Variants in ASCC3 observed in about 807,000 individuals in gnomAD.
The protein encoded by ASCC3 is ASC-1 complex subunit P200.
A neutral mutation model predicts 256.3 loss-of-function variants in ASCC3; 158 were observed. That is an observed-to-expected ratio of 0.62 (90% CI 0.54 to 0.70). The LOEUF is 0.70. Among genes scored for constraint, ASCC3 ranks in the 30% least tolerant of loss-of-function variants. The probability of loss-of-function intolerance (pLI) is 0.00; values close to 1 mark genes in which losing one functional copy is unlikely to be tolerated. For missense variants in ASCC3, 2,259 were observed against 2,626.0 expected, an observed-to-expected ratio of 0.86 and a Z score of 3.05; for synonymous variants, 948 against 883.4, an observed-to-expected ratio of 1.07 and a Z score of -1.30.
chr6:100,651,523 G>A (rs1219123498), intron 19 of ASCC3, 37 bp downstream of exon 19: 1 of 1,213,576 alleles, frequency 8.2e-7, no homozygotes, highest in South Asian at 1.3e-5. Context: ...ATGCATACAT[G>A]TTGTATGCAT....
At chr6:100,556,452 T>C (rs573873909) in intron 36 of ASCC3, among the ~76,000 whole-genome samples, 15 of 152,268 alleles carry the variant, frequency 9.9e-5, no homozygotes, top group African/African-American at 3.4e-4. Flanking sequence ...TCAGATACAT[T>C]GTCCAGGTGG....
chr6:100,639,016 C>G (rs1774984082), intron 24 of ASCC3, among the ~76,000 whole-genome samples, 195 bp from the exon 25 acceptor site: 1 of 152,260 alleles, frequency 6.6e-6, no homozygotes. Flanking sequence ...ACCATATTGA[C>G]ATACTGGATG....
At chr6:100,793,562 T>TA in intron 8 of ASCC3, among the ~76,000 whole-genome samples, 1 of 151,754 alleles carries the variant, frequency 6.6e-6, no homozygotes, top group African/African-American at 2.4e-5. Context: ...CCATTTTTTT[T>TA]AATTTACAGA....
chr6:100,833,208 G>A (rs1399183790), intron 4 of ASCC3, among the ~76,000 whole-genome samples: 2 of 151,932 alleles, frequency 1.3e-5, no homozygotes, highest in Non-Finnish European at 2.9e-5. Context: ...AATCTGAAAA[G>A]GCAACATACT....
At chr6:100,518,336 T>G (rs183405692) in intron 37 of ASCC3, among the ~76,000 whole-genome samples, 194 bp from the exon 38 acceptor site, 1 of 152,188 alleles carries the variant, frequency 6.6e-6, no homozygotes, top group Non-Finnish European at 1.5e-5. Context: ...TAGCATTTAC[T>G]GTACATTACT....
chr6:100,878,690 T>C (rs1769122570), intron 1 of ASCC3, among the ~76,000 whole-genome samples: 2 of 152,186 alleles, frequency 1.3e-5, no homozygotes, highest in Admixed American at 1.3e-4. Flanking sequence ...CCCTAATCCA[T>C]GAGCCTCTGG....
chr6:100,608,813 G>A, intron 30 of ASCC3, among the ~76,000 whole-genome samples: 1 of 117,728 alleles, frequency 8.5e-6, no homozygotes, highest in Non-Finnish European at 1.7e-5. Flanking sequence ...GCCCAGGTTG[G>A]AGTGCAGTGG....
intron 10 of ASCC3, among the ~76,000 whole-genome samples, chr6:100,730,122 C>T (rs4840144): frequency 0.97 from 147,711 of 151,714 alleles, 72,037 homozygotes; most frequent in East Asian, 1. Flanking sequence ...CTGTGCAGTA[C>T]GGTGAGACCT....
chr6:100,852,493 CCCTT>C (rs1772732077), intron 3 of ASCC3, among the ~76,000 whole-genome samples: 1 of 152,134 alleles, frequency 6.6e-6, no homozygotes, highest in Non-Finnish European at 1.5e-5. Context: ...TTGTTCACTT[CCCTT>C]TATATTCTAT....
chr6:100,765,865 A>C lies in ASCC3; in HGVS notation c.1737+700T>G, dbSNP rs78945318. ...AATCAACGTCTGCCCATTGTTTAAA[A>C]AGTTCTATTATCTATTTTCCATCAA... On this transcript the variant is annotated intron_variant, in intron 10 of 41. Coordinates refer to ENST00000369162, the MANE Select transcript of ASCC3 (RefSeq NM_006828.4). Among the ~76,000 whole-genome samples the C allele has an allele frequency of 0.013, 1,951 of 152,350 alleles. 101 individuals are homozygous for C. In the East Asian group the frequency reaches 0.15, roughly 12 times the overall value.
At position 100,646,688 on chromosome 6, in the gene ASCC3, G is replaced by A. The variant is rs1178263214; in HGVS notation, c.3560C>T (p.Ser1187Phe). The change falls in exon 22 of 42, where the codon TCC (serine) becomes TTC (phenylalanine). Residue 1187 changes from serine (S) to phenylalanine (F), a missense_variant. By Grantham distance (155) the Ser-to-Phe change is radical. Coordinates refer to ENST00000369162, the MANE Select transcript of ASCC3 (RefSeq NM_006828.4). ...GACAGTCCTTGTGATAGGCTGAATG[G>A]ATGCTTCCATCATAACAGAAGGAAT... ...HQIPSVMMEA[S>F]IQPITRTVLR... 6.2e-7 allele frequency: 1 copy of A among 1,613,366 alleles called. No homozygotes were observed. Among genetic ancestry groups the A allele is most frequent in the Admixed American group, 1.7e-5 (1 of 60,008 alleles).
chr6:100,526,547 A>G (rs1197970677), intron 37 of ASCC3, among the ~76,000 whole-genome samples: 6 of 152,206 alleles, frequency 3.9e-5, no homozygotes, highest in Non-Finnish European at 7.4e-5. Flanking sequence ...AAGAGTAAGT[A>G]AAGGTGTTTA....
intron 10 of ASCC3, among the ~76,000 whole-genome samples, chr6:100,738,980 G>A (rs1186236891): frequency 6.6e-6 from 1 of 152,092 alleles, no homozygotes. Context: ...ATATTATGCT[G>A]AATAGGAGAG....
chr6:100,639,495 C>G (rs557218301), intron 24 of ASCC3, among the ~76,000 whole-genome samples: 1 of 152,156 alleles, frequency 6.6e-6, no homozygotes, highest in East Asian at 1.9e-4. Flanking sequence ...TTCCATAATC[C>G]AGAAAGGTAT....
At chr6:100,510,131 A>C (rs1318204254) in intron 40 of ASCC3, 24 bp from the exon 41 acceptor site, 1 of 1,613,654 alleles carries the variant, frequency 6.2e-7, no homozygotes, top group Non-Finnish European at 8.5e-7. Flanking sequence ...AAAAAGATAC[A>C]ACATTAAAAA....
At chr6:100,524,884 C>T (rs747603207) in intron 37 of ASCC3, among the ~76,000 whole-genome samples, 1 of 151,730 alleles carries the variant, frequency 6.6e-6, no homozygotes. Flanking sequence ...ATAGGGATTA[C>T]AATAAACATA....
chr6:100,615,017 T>C (rs1479874639), intron 30 of ASCC3, among the ~76,000 whole-genome samples: 1 of 152,142 alleles, frequency 6.6e-6, no homozygotes, highest in Non-Finnish European at 1.5e-5. Context: ...TTTTTCCTTT[T>C]CTTAAAAAAA....
intron 4 of ASCC3, among the ~76,000 whole-genome samples, chr6:100,835,622 T>G (rs1041401696): frequency 2.6e-5 from 4 of 152,174 alleles, no homozygotes; most frequent in Admixed American, 2.6e-4. Flanking sequence ...TCTGTTCTAT[T>G]GGTCTCTGTG....
At position 100,605,639 on chromosome 6, in the gene ASCC3, T is replaced by C; in HGVS notation, c.5106A>G (p.Val1702=). 1 of 1,608,400 alleles carries C rather than the reference T, an allele frequency of 6.2e-7. No homozygotes were observed. Among genetic ancestry groups the C allele is most frequent in the Non-Finnish European group, 8.5e-7 (1 of 1,174,958 alleles). Residue 1702 remains valine (V), a synonymous_variant, in exon 33 of 42, where the codon GTA becomes GTG. Transcript: ENST00000369162. ...RPQFDDQGKA[V]ILVHDIKKDF... ...CTTTCTTTATGTCATGAACTAGAAT[T>C]ACAGCTTTGCCTTGGTCATCGAACT... is the stretch of plus-strand genomic sequence containing the variant.
Sources: gnomAD v4.1 joint callset for allele counts (sites outside exome capture counted in the v4.1 genomes callset) on GRCh38, gnomAD v4.1.1 for gene constraint, MANE v1.5 for transcripts, NCBI Gene and HGNC (gene_info 2026-07-23, HGNC 2026-07-21) for gene names.